The following YES1 variants were observed in gnomAD, a reference collection of about 807,000 sequenced individuals.
YES1 encodes the protein tyrosine-protein kinase Yes.
A neutral mutation model predicts 70.4 loss-of-function variants in YES1; 39 were observed. That is an observed-to-expected ratio of 0.55 (90% CI 0.43 to 0.72). The LOEUF is 0.72. Ranked by LOEUF, YES1 falls within the 30% of genes least tolerant of loss-of-function variation. The pLI is 0.00. For synonymous variants in YES1, 198 were observed against 218.6 expected, an observed-to-expected ratio of 0.91 and a Z score of 0.83; for missense variants, 495 against 644.8, an observed-to-expected ratio of 0.77 and a Z score of 2.52.
At chr18:793,783 G>T (rs1191573126) in intron 1 of YES1, among the ~76,000 whole-genome samples, 1 of 152,194 alleles carries the variant, frequency 6.6e-6, no homozygotes, top group East Asian at 1.9e-4. Flanking sequence ...CTCAACAAAT[G>T]ATAGGGATCT....
intron 3 of YES1, 57 bp from the exon 4 acceptor site, chr18:748,075 T>C (rs1348325885): frequency 5.7e-6 from 8 of 1,411,888 alleles, no homozygotes; most frequent in Non-Finnish European, 3.0e-6. Flanking sequence ...AGGTACAATA[T>C]ATTGCAGTGC....
intron 1 of YES1, among the ~76,000 whole-genome samples, chr18:760,411 A>G (rs1904529225): frequency 6.6e-6 from 1 of 152,168 alleles, no homozygotes; most frequent in African/African-American, 2.4e-5. Flanking sequence ...CGGAGGTTGC[A>G]GTAAGTCAAG....
At chr18:744,300 C>T (rs910266846) in intron 6 of YES1, among the ~76,000 whole-genome samples, 14 of 151,864 alleles carry the variant, frequency 9.2e-5, no homozygotes, top group Non-Finnish European at 8.8e-5. Flanking sequence ...AGAATGTTAT[C>T]ATTAAATGTT....
chr18:761,780 C>T (rs1904606361), intron 1 of YES1, among the ~76,000 whole-genome samples: 1 of 152,212 alleles, frequency 6.6e-6, no homozygotes, highest in South Asian at 2.1e-4. Flanking sequence ...TAGGACCCAT[C>T]ATTGCTGCTC....
intron 1 of YES1, among the ~76,000 whole-genome samples, chr18:809,058 CATGTT>C (rs369920511): frequency 8.5e-4 from 130 of 152,222 alleles, no homozygotes; most frequent in Non-Finnish European, 1.6e-3. Context: ...TTTTAATTGT[CATGTT>C]ATGTAATTTT....
chr18:796,395 C>T (rs1012039484), intron 1 of YES1, among the ~76,000 whole-genome samples: 15 of 152,170 alleles, frequency 9.9e-5, no homozygotes. Flanking sequence ...GGGACTGTCA[C>T]ACAGTCAATT....
chr18:787,862 T>C (rs761930900), intron 1 of YES1: 1 of 152,228 alleles, frequency 6.6e-6, no homozygotes, highest in African/African-American at 2.4e-5. Flanking sequence ...TATTAATCCA[T>C]AGATCGACAT....
chr18:739,697 C>T (rs376474227), intron 9 of YES1, 38 bp downstream of exon 9: 2 of 1,456,548 alleles, frequency 1.4e-6, no homozygotes, highest in Admixed American at 1.9e-5. Context: ...TTAATTTACA[C>T]TTTTAATTCA....
intron 4 of YES1, among the ~76,000 whole-genome samples, chr18:746,854 A>C (rs1215928554): frequency 6.6e-6 from 1 of 152,184 alleles, no homozygotes; most frequent in Non-Finnish European, 1.5e-5. Flanking sequence ...TAGGTTCCCC[A>C]ATGGCTAACA....
chr18:737,627 A>T (rs761091434), intron 9 of YES1, among the ~76,000 whole-genome samples: 3 of 152,244 alleles, frequency 2.0e-5, no homozygotes. Context: ...AAAGGTATTA[A>T]CCACAAGGTA....
At chr18:793,547 G>T (rs8093142) in intron 1 of YES1, among the ~76,000 whole-genome samples, 3 of 151,818 alleles carry the variant, frequency 2.0e-5, no homozygotes, top group Middle Eastern at 3.4e-3. Context: ...AAATTGCTCA[G>T]GCTGGTCTCA....
Position 724,460 on chromosome 18 carries a change from A to G in YES1, c.1596T>C (p.Ala532=), listed in dbSNP as rs989519231. 6 of 1,614,066 alleles carry G rather than the reference A, an allele frequency of 3.7e-6. No individual in the cohort carries two copies. In the African/African-American group the frequency reaches 6.7e-5, roughly 18 times the overall value. ...CTCCTGGCTGGTACTGTGGCTCTGTAGCAGTGAAGTAGTCTTCCAAGAAGG... is the reference window on the plus strand; with the variant it reads ...CTCCTGGCTGGTACTGTGGCTCTGTGGCAGTGAAGTAGTCTTCCAAGAAGG... ...IQSFLEDYFT[A]TEPQYQPGEN... The change falls in exon 12 of 12, where the codon GCT becomes GCC. Residue 532 remains alanine, a synonymous_variant. Transcript: ENST00000314574.
At chr18:759,343 T>A (rs540009308) in intron 1 of YES1, among the ~76,000 whole-genome samples, 39 of 152,212 alleles carry the variant, frequency 2.6e-4, no homozygotes, top group Non-Finnish European at 5.1e-4. Context: ...GGCGGGCGCC[T>A]GTAATTCCAG....
intron 1 of YES1, among the ~76,000 whole-genome samples, chr18:765,831 A>G (rs1904882570): frequency 6.6e-6 from 1 of 152,256 alleles, no homozygotes. Context: ...CCAGCTGATT[A>G]GTAATTTGGA....
chr18:795,651 A>C (rs1906499981), intron 1 of YES1, among the ~76,000 whole-genome samples: 1 of 151,650 alleles, frequency 6.6e-6, no homozygotes, highest in Non-Finnish European at 1.5e-5. Context: ...AAACTAACAC[A>C]GGAACAGAAA....
chr18:787,080 C>CTTTTTTTTTTTTT lies in YES1; in HGVS notation c.-9+25021_-9+25033dup, dbSNP rs71174290. Among the ~76,000 whole-genome samples the CTTTTTTTTTTTTT allele has an allele frequency of 5.8e-5, 2 of 34,736 alleles. 1 individual carries two copies. The highest frequency in any genetic ancestry group is 2.3e-4 in the African/African-American group (2 of 8,790). 22.8% of individuals were successfully genotyped at this position (34,736 alleles called of 152,430 possible). ...TTTAAAAAACTGTGATACATACTGT[C>CTTTTTTTTTTTTT]TTTTTTTTTTTTTTTTTTTTTTTTT... On this transcript the variant is annotated intron_variant, in intron 1 of 11. Coordinates refer to ENST00000314574, the MANE Select transcript of YES1 (RefSeq NM_005433.4).
chr18:756,413 T>C (rs1241810950), intron 2 of YES1, 144 bp downstream of exon 2: 1 of 1,148,646 alleles, frequency 8.7e-7, no homozygotes, highest in Non-Finnish European at 1.2e-6. Flanking sequence ...AAACTAATTT[T>C]TATGTTAGAG....
At chr18:737,922 G>T (rs2080171525) in intron 9 of YES1, 1 of 152,120 alleles carries the variant, frequency 6.6e-6, no homozygotes, top group Non-Finnish European at 1.5e-5. Context: ...GTTTCACTAT[G>T]TTGCCCAGGC....
chr18:765,399 C>CT (rs1160937016), intron 1 of YES1, among the ~76,000 whole-genome samples: 16,647 of 123,462 alleles, frequency 0.13, 1,639 homozygotes, highest in East Asian at 0.15. Flanking sequence ...TAATTTAACA[C>CT]TTTTTTTTTT....
Sources: allele counts gnomAD v4.1 joint callset (sites outside exome capture counted in the v4.1 genomes callset), GRCh38; gene constraint gnomAD v4.1.1; transcripts MANE v1.5; gene names NCBI Gene and HGNC (gene_info 2026-07-23, HGNC 2026-07-21).